The following DEFB124 variants were observed in gnomAD, a reference collection of about 807,000 sequenced individuals.
The protein encoded by DEFB124 is defensin beta 124, also known as beta-defensin 124.
For synonymous variants in DEFB124, 38 were observed against 36.5 expected (o/e 1.04, Z -0.15); for missense variants, 78 against 83.1 (o/e 0.94, Z 0.24).
chr20:31,472,367 CG>C (rs1384118229), intron 2 of DEFB124, among the ~76,000 whole-genome samples: 1 of 148,810 alleles, frequency 6.7e-6, no homozygotes, highest in Admixed American at 6.7e-5. Context: ...AGTCCAGCTT[CG>C]GCTCGGCATC....
chr20:31,473,123 A>C, intron 1 of DEFB124, 85 bp from the exon 2 acceptor site: 1 of 1,267,238 alleles, frequency 7.9e-7, no homozygotes, highest in Non-Finnish European at 1.1e-6. Flanking sequence ...AGATGAAGGC[A>C]GTGCTGTGGG....
chr20:31,471,506 T>C (rs1363106456), intron 2 of DEFB124, among the ~76,000 whole-genome samples: 3 of 89,266 alleles, frequency 3.4e-5, no homozygotes, highest in Non-Finnish European at 4.6e-5. Flanking sequence ...CCCCCCCACC[T>C]CCCTCCCGGA....
Position 31,467,529 on chromosome 20 carries a change from T to C in DEFB124, c.59-1866A>G, listed in dbSNP as rs117081162. ...TCTCCTTCAGAGCACAGTTAAAGGA[T>C]CACTTTAGCACAGTGCCTGGCACGT... On this transcript the variant is annotated intron_variant, in intron 2 of 2. Coordinates refer to ENST00000317676, the MANE Select transcript of DEFB124 (RefSeq NM_001037500.2). Among the ~76,000 whole-genome samples, 48 of 152,256 alleles carry C rather than the reference T, an allele frequency of 3.2e-4. 1 individual carries two copies. In the East Asian group the frequency reaches 9.3e-3, roughly 29 times the overall value.
Position 31,465,538 on chromosome 20 carries a change from G to A in DEFB124, c.184C>T (p.Pro62Ser). The A allele has an allele frequency of 1.2e-6, 2 of 1,614,206 alleles. No individual in the cohort carries two copies. Among genetic ancestry groups the A allele is most frequent in the Non-Finnish European group, 8.5e-7 (1 of 1,180,038 alleles). ...SLCCLSYALK[P>S]PPVPKHEYE The stretch of plus-strand genomic sequence containing the variant: ...TATTCATGCTTGGGGACCGGTGGAG[G>A]TTTCAATGCATAGGAGAGACAGCAC... Residue 62 changes from proline (P) to serine (S), a missense_variant, in exon 3 of 3, where the codon CCT becomes TCT. Transcript: ENST00000317676.
rs1399383271 is a variant in DEFB124, at chr20:31,472,978, C to G, written c.36G>C (p.Leu12=). Residue 12 remains leucine (L), a synonymous_variant, in exon 2 of 3, where the codon CTG becomes CTC. Transcript: ENST00000317676. ...TQLLLFLVAL[L]VLGHVPSGRS... is the part of the protein sequence containing the mutation. ...TACCTGATGGCACATGACCCAGAAC[C>G]AGGAGAGCCACAAGGAACAGAAGCA... 1 of 1,614,080 alleles carries G rather than the reference C, an allele frequency of 6.2e-7. No homozygotes were observed. Among genetic ancestry groups the G allele is most frequent in the Non-Finnish European group, 8.5e-7 (1 of 1,180,020 alleles).
rs369271342 is a variant in DEFB124 at position 31,469,137 on chromosome 20, T to C, written c.59-3474A>G. Among the ~76,000 whole-genome samples the C allele has an allele frequency of 1.7e-4, 26 of 152,296 alleles. 1 individual carries two copies. The highest frequency in any genetic ancestry group is 6.3e-4 in the African/African-American group (26 of 41,568). On this transcript the variant is annotated intron_variant, in intron 2 of 2. Coordinates refer to ENST00000317676, the MANE Select transcript of DEFB124 (RefSeq NM_001037500.2). ...TAAAAAGTTTTTAAAAAGAAAAAAC[T>C]CTGGGCCGGGCATGGTGGCTCATGT...
At chr20:31,469,366 T>C (rs920524886) in intron 2 of DEFB124, among the ~76,000 whole-genome samples, 79 of 152,264 alleles carry the variant, frequency 5.2e-4, no homozygotes, top group African/African-American at 1.7e-3. Flanking sequence ...GAGGTTGCAG[T>C]GAGCTGAGAT....
In DEFB124 at chr20:31,475,033, T is replaced by G. The variant is rs1443455133; in HGVS notation, c.-432A>C. Among the ~76,000 whole-genome samples the G allele has an allele frequency of 6.6e-6, 1 of 152,236 alleles. No homozygotes were observed. Among genetic ancestry groups the G allele is most frequent in the Non-Finnish European group, 1.5e-5 (1 of 68,036 alleles). On this transcript the variant is annotated 5_prime_UTR_variant, in exon 1 of 3. Coordinates refer to ENST00000317676, the MANE Select transcript of DEFB124 (RefSeq NM_001037500.2). The surrounding 1 kb of genome is among the most constrained non-coding windows in gnomAD (Gnocchi z 5.0). The stretch of plus-strand genomic sequence containing the variant: ...ATCCCCTTGATGGAGTGGACAGATG[T>G]GGACGCAGATGGAGCTCCAGACCCA...
intron 2 of DEFB124, among the ~76,000 whole-genome samples, chr20:31,469,617 C>T (rs1224489659): frequency 6.7e-6 from 1 of 150,250 alleles, no homozygotes; most frequent in Non-Finnish European, 1.5e-5. Context: ...GTTTGTGTCC[C>T]TGGGTACTTG....
At chr20:31,470,533 C>A (rs2038325873) in intron 2 of DEFB124, among the ~76,000 whole-genome samples, 1 of 132,264 alleles carries the variant, frequency 7.6e-6, no homozygotes, top group Admixed American at 7.5e-5. Flanking sequence ...ACTTCCCGGA[C>A]GGGGCGGCTG....
At chr20:31,470,885 G>C (rs1403099388) in intron 2 of DEFB124, among the ~76,000 whole-genome samples, 197 of 72,164 alleles carry the variant, frequency 2.7e-3, no homozygotes, top group Middle Eastern at 0.011. Context: ...GGGGGGCTGA[G>C]CCCCCCACCT....
chr20:31,470,211 C>T (rs1980202011), intron 2 of DEFB124, among the ~76,000 whole-genome samples: 1 of 143,180 alleles, frequency 7.0e-6, no homozygotes, highest in South Asian at 2.2e-4. Context: ...GGGGCTGACC[C>T]CCCCACCTCC....
chr20:31,471,994 A>T (rs1200237327), intron 2 of DEFB124, among the ~76,000 whole-genome samples: 1 of 152,240 alleles, frequency 6.6e-6, no homozygotes, highest in South Asian at 2.1e-4. Flanking sequence ...CACTTCCCAG[A>T]CGGGGTGGCG....
At position 31,473,008 on chromosome 20, in the gene DEFB124, T is replaced by A; in HGVS notation, c.6A>T (p.Thr2=). Residue 2 remains threonine, a synonymous_variant, in exon 2 of 3, where the codon ACA becomes ACT. Coordinates refer to ENST00000317676, the MANE Select transcript of DEFB124 (RefSeq NM_001037500.2). The part of the protein sequence containing the change: M[T]QLLLFLVALL... ...GAGCCACAAGGAACAGAAGCAGCTG[T>A]GTCATGGCCACGGGGCTCCTGGGGA... is the stretch of plus-strand genomic sequence containing the variant. 5 of 1,614,072 alleles carry A rather than the reference T, an allele frequency of 3.1e-6. No homozygotes were observed. Among genetic ancestry groups the A allele is most frequent in the Non-Finnish European group, 4.2e-6 (5 of 1,180,012 alleles).
At chr20:31,467,498 T>C (rs1296552959) in intron 2 of DEFB124, among the ~76,000 whole-genome samples, 3 of 152,196 alleles carry the variant, frequency 2.0e-5, no homozygotes, top group East Asian at 3.8e-4. Context: ...TCCTCATCTG[T>C]ACAACTCTCC....
chr20:31,470,912 G>A (rs1980261409), intron 2 of DEFB124, among the ~76,000 whole-genome samples: 1 of 142,644 alleles, frequency 7.0e-6, no homozygotes, highest in Non-Finnish European at 1.6e-5. Flanking sequence ...CGGACGGGGT[G>A]GCTGGCCCGG....
chr20:31,471,014 T>C (rs1388466539), intron 2 of DEFB124, among the ~76,000 whole-genome samples: 30 of 82,726 alleles, frequency 3.6e-4, no homozygotes, highest in Admixed American at 5.2e-4. Context: ...GGGGCTGACC[T>C]CACCTCCCTC....
intron 2 of DEFB124, among the ~76,000 whole-genome samples, chr20:31,470,088 C>T (rs1385410403): frequency 7.7e-6 from 1 of 129,686 alleles, no homozygotes; most frequent in African/African-American, 3.3e-5. Flanking sequence ...CTGACCCCCC[C>T]ACCTCCCTCC....
rs34150499 is a variant in DEFB124 at position 31,472,917 on chromosome 20, G to GCACACACACA, written c.58+29_58+38dup. On this transcript the variant is annotated intron_variant, in intron 2 of 2. Coordinates refer to ENST00000317676, the MANE Select transcript of DEFB124 (RefSeq NM_001037500.2). ...TCCTCATTTTTACAAGCACACATGT[G>GCACACACACA]CACACACACACACACACACATGCAC... 1,864 of 1,524,382 alleles carry GCACACACACA rather than the reference G, an allele frequency of 1.2e-3. 13 individuals are homozygous for GCACACACACA. The African/African-American group carries it at 0.023, about 19-fold the overall frequency. The allele number at this position is 1,524,382 out of a possible 1,614,324, so 94.4% of individuals were successfully genotyped here. A position where few individuals can be genotyped will look rare whatever the true frequency, so the allele number is the denominator to read the frequency against.
Sources: allele counts gnomAD v4.1 joint callset (sites outside exome capture counted in the v4.1 genomes callset), GRCh38; gene constraint gnomAD v4.1.1; non-coding constraint Gnocchi (gnomAD v3.1); transcripts MANE v1.5; gene names NCBI Gene and HGNC (gene_info 2026-07-23, HGNC 2026-07-21).